Variants in LYPD4 observed in about 807,000 individuals in gnomAD.
LYPD4 encodes the protein ly6/PLAUR domain-containing protein 4.
A neutral mutation model predicts 18.2 loss-of-function variants in LYPD4; 20 were observed. The ratio of observed to expected loss-of-function variants is 1.10; its 90% CI spans 0.77 to 1.59. LYPD4 has a LOEUF of 1.59. LYPD4 is among the 40% of genes most tolerant of loss of function. The probability of loss-of-function intolerance (pLI) is 0.00; values close to 1 mark genes in which losing one functional copy is unlikely to be tolerated. For missense variants in LYPD4, 278 were observed against 300.3 expected (o/e 0.93, Z 0.55); for synonymous variants, 111 against 118.3 (o/e 0.94, Z 0.40).
chr19:41,842,436 A>G (rs1271859885), intron 1 of LYPD4, among the ~76,000 whole-genome samples: 1 of 151,688 alleles, frequency 6.6e-6, no homozygotes, highest in Non-Finnish European at 1.5e-5. Context: ...AATATCACGC[A>G]GGAGTTGGAA....
Position 41,838,195 on chromosome 19 carries a change from GA to G in LYPD4, c.277del (p.Ser93ProfsTer33). On this transcript the variant is annotated frameshift_variant, in exon 4 of 5. Coordinates refer to ENST00000609812, the MANE Select transcript of LYPD4 (RefSeq NM_173506.7). LOFTEE classifies it high-confidence loss of function. ...CACTCCGGGTGGGGAAACAAGGTAG[GA>G]GATTTGCGCAGGGTAAGACGAAGAC... ...SSSSSYPAQI[S>X]YLVSPPGVSI... 6.3e-7 allele frequency: 1 copy of G among 1,591,104 alleles called. No individual in the cohort carries two copies. Among genetic ancestry groups the G allele is most frequent in the Non-Finnish European group, 8.6e-7 (1 of 1,166,958 alleles).
At position 41,838,976 on chromosome 19, in the gene LYPD4, G is replaced by A. The variant is rs202011969; in HGVS notation, c.116C>T (p.Ala39Val). 3,168 of 1,613,864 alleles carry A rather than the reference G, an allele frequency of 2.0e-3. 72 individuals carry two copies. The South Asian group carries it at 0.031, about 16-fold the overall frequency. The change falls in exon 3 of 5, where the codon GCT (alanine) becomes GTT (valine). Residue 39 changes from alanine (A) to valine (V), a missense_variant. Transcript: ENST00000609812. ...CCACTTCCAGTTATGGAAAGCAACA[G>A]CTCTGAATCTTGAGGCTGTTGCTTC... is the stretch of plus-strand genomic sequence containing the variant. ...CYEATASRFR[A>V]VAFHNWKWLL...
At chr19:41,839,138 C>T in intron 2 of LYPD4, 81 bp downstream of exon 2, 1 of 1,612,730 alleles carries the variant, frequency 6.2e-7, no homozygotes, top group Non-Finnish European at 8.5e-7. Context: ...AACCTAGATA[C>T]CCAGCCCTCG....
downstream of LYPD4, chr19:41,835,651 T>A (rs2073362935): frequency 3.1e-6 from 1 of 327,330 alleles, no homozygotes; most frequent in South Asian, 1.2e-4. Flanking sequence ...CCTAGCCCTG[T>A]TCCACTTGCT....
intron 1 of LYPD4, among the ~76,000 whole-genome samples, chr19:41,840,230 C>G (rs919341795): frequency 6.6e-6 from 1 of 151,918 alleles, no homozygotes; most frequent in East Asian, 1.9e-4. Context: ...TACTGTACAC[C>G]AGCCCAGGCA....
Position 41,837,259 on chromosome 19 carries a change from T to C in LYPD4, c.625A>G (p.Lys209Glu). The C allele has an allele frequency of 1.2e-6, 2 of 1,614,106 alleles. No homozygotes were observed. Among genetic ancestry groups the C allele is most frequent in the Non-Finnish European group, 1.7e-6 (2 of 1,179,980 alleles). Residue 209 changes from lysine to glutamate, a missense_variant, in exon 5 of 5, where the codon AAA becomes GAA. Coordinates refer to ENST00000609812, the MANE Select transcript of LYPD4 (RefSeq NM_173506.7). The part of the protein sequence containing the change: ...LADFHHIGSI[K>E]VTEVLNILEK... Reference sequence around the variant, plus strand: ...AAGATGTTGAGGACCTCAGTCACTTTGATGCTCCCAATATGATGAAAATCT... The same window carrying C: ...AAGATGTTGAGGACCTCAGTCACTTCGATGCTCCCAATATGATGAAAATCT...
chr19:41,836,239 A>C (rs1464505944), downstream of LYPD4, among the ~76,000 whole-genome samples: 3 of 138,062 alleles, frequency 2.2e-5, no homozygotes, highest in African/African-American at 5.4e-5. Context: ...GGTGAAAAAC[A>C]ACCACCCCAG....
At chr19:41,840,145 T>TACAC (rs368982850) in intron 1 of LYPD4, among the ~76,000 whole-genome samples, 11 of 148,348 alleles carry the variant, frequency 7.4e-5, no homozygotes, top group African/African-American at 1.2e-4. Flanking sequence ...GACACACACA[T>TACAC]ACACACACAC....
At chr19:41,842,108 G>A (rs1205040995) in intron 1 of LYPD4, among the ~76,000 whole-genome samples, 1 of 152,026 alleles carries the variant, frequency 6.6e-6, no homozygotes, top group East Asian at 1.9e-4. Context: ...CTGGAGGACA[G>A]CTGTGCTCAC....
chr19:41,837,159 A>C lies in LYPD4; in HGVS notation c.725T>G (p.Phe242Cys). The C allele has an allele frequency of 6.2e-7, 1 of 1,613,974 alleles. No homozygotes were observed. Reference protein sequence around the residue: ...PAWGVVLGLLFAFRD With the variant: ...PAWGVVLGLLCAFRD The stretch of plus-strand genomic sequence containing the variant: ...GCTAGATGGTCAGTCCCTGAAGGCA[A>C]ACAGGAGGCCTAAGACGACACCCCA... The change falls in exon 5 of 5, where the codon TTT (phenylalanine) becomes TGT (cysteine). Residue 242 changes from phenylalanine to cysteine, a missense_variant. By Grantham distance (205) the Phe-to-Cys change is radical (BLOSUM62 -2). Transcript: ENST00000609812.
chr19:41,837,077 AG>A lies in LYPD4; in HGVS notation c.*65del. On this transcript the variant is annotated 3_prime_UTR_variant, in exon 5 of 5. Transcript: ENST00000609812. Reference sequence around the variant, plus strand: ...TCATGGACCACAGGACAATGCAGAAAGGGAACTCTGCTATTTTATTTGTTAT... The same window carrying A: ...TCATGGACCACAGGACAATGCAGAAAGGAACTCTGCTATTTTATTTGTTAT... 1 of 1,607,042 alleles carries A rather than the reference AG, an allele frequency of 6.2e-7. No homozygotes were observed. Among genetic ancestry groups the A allele is most frequent in the Non-Finnish European group, 8.5e-7 (1 of 1,176,346 alleles).
At chr19:41,839,530 T>C (rs1568761918) in intron 1 of LYPD4, 125 bp from the exon 2 acceptor site, 1 of 530,866 alleles carries the variant, frequency 1.9e-6, no homozygotes. Flanking sequence ...CCATCTTAGC[T>C]TCTCAAAGCA....
chr19:41,837,347 T>C lies in LYPD4; in HGVS notation c.539-2A>G. On this transcript the variant is annotated splice_acceptor_variant, in intron 4 of 4. Coordinates refer to ENST00000609812, the MANE Select transcript of LYPD4 (RefSeq NM_173506.7). LOFTEE classifies it high-confidence loss of function. Reference sequence around the variant, plus strand: ...GGAGGAAGGTGGTATTGAGAAACCCTGTAAGGAAGAGAGGGAGAAGTCAGG... The same window carrying C: ...GGAGGAAGGTGGTATTGAGAAACCCCGTAAGGAAGAGAGGGAGAAGTCAGG... 4 of 1,613,860 alleles carry C rather than the reference T, an allele frequency of 2.5e-6. No homozygotes were observed. The highest frequency in any genetic ancestry group is 2.5e-6 in the Non-Finnish European group (3 of 1,179,826).
intron 3 of LYPD4, 123 bp from the exon 4 acceptor site, chr19:41,838,384 CCT>C (rs1158521165): frequency 2.0e-5 from 16 of 783,424 alleles, no homozygotes; most frequent in Admixed American, 6.6e-5. Flanking sequence ...CTCCCCAACC[CCT>C]GTGTCCACTC....
chr19:41,842,917 G>T (rs781953567), intron 1 of LYPD4, among the ~76,000 whole-genome samples: 1 of 148,850 alleles, frequency 6.7e-6, no homozygotes, highest in Non-Finnish European at 1.5e-5. Flanking sequence ...TCAAACAGAG[G>T]TCGGGTGTGG....
chr19:41,844,724 G>A (rs1191949944), upstream of LYPD4: 2 of 152,402 alleles, frequency 1.3e-5, no homozygotes, highest in African/African-American at 2.4e-5. Context: ...TTCCTGGGGG[G>A]CGGGGCCAGC....
At position 41,838,142 on chromosome 19, in the gene LYPD4, G is replaced by A. The variant is rs201160330; in HGVS notation, c.331C>T (p.Arg111Trp). Residue 111 changes from arginine (R) to tryptophan (W), a missense_variant, in exon 4 of 5, where the codon CGG becomes TGG. Arg to Trp is a moderately radical substitution (Grantham distance 101). Coordinates refer to ENST00000609812, the MANE Select transcript of LYPD4 (RefSeq NM_173506.7). The part of the protein sequence containing the change: ...VSIASYSRVC[R>W]SYLCNNLTNL... ...GTGAGGTTGTTGCAGAGATAAGACC[G>A]GCAGACGCGACTGTAGGAGGCAATG... is the stretch of plus-strand genomic sequence containing the variant. 4.3e-5 allele frequency: 70 copies of A among 1,612,914 alleles called. No homozygotes were observed. The highest frequency in any genetic ancestry group is 1.2e-4 in the Admixed American group (7 of 59,934).
At chr19:41,836,992 T>C (rs2073386064), downstream of LYPD4, 23 of 1,423,808 alleles carry the variant, frequency 1.6e-5, no homozygotes, top group Non-Finnish European at 2.1e-5. Flanking sequence ...CTCCTCTTCC[T>C]GGGTCCCCAC....
downstream of LYPD4, among the ~76,000 whole-genome samples, chr19:41,836,256 T>TCTTTCCTCTCTCC (rs2073370066): frequency 8.9e-6 from 1 of 111,770 alleles, no homozygotes; most frequent in Admixed American, 1.3e-4. Context: ...CCAGCCCTGC[T>TCTTTCCTCTCTCC]CTTTCCTCTC....
Sources: gnomAD v4.1 joint callset for allele counts (sites outside exome capture counted in the v4.1 genomes callset) on GRCh38, gnomAD v4.1.1 for gene constraint, MANE v1.5 for transcripts, NCBI Gene and HGNC (gene_info 2026-07-23, HGNC 2026-07-21) for gene names.